The following POFUT1 variants were observed in gnomAD, a reference collection of about 807,000 sequenced individuals.
POFUT1 encodes protein O-fucosyltransferase 1.
In POFUT1, 16 loss-of-function variants were observed where a neutral mutation model predicts 42.4. That is an observed-to-expected ratio of 0.38 (90% confidence interval 0.26 to 0.57). POFUT1 has a LOEUF of 0.57. Ranked by LOEUF, POFUT1 falls within the 20% of genes least tolerant of loss-of-function variation. The probability of loss-of-function intolerance (pLI) is 0.71; values close to 1 mark genes in which losing one functional copy is unlikely to be tolerated. For missense variants in POFUT1, 470 were observed against 504.6 expected (o/e 0.93, Z 0.66); for synonymous variants, 206 against 205.4 (o/e 1.00, Z -0.03).
In POFUT1 at chr20:32,234,792, GA is replaced by G. The variant is rs2047461544; in HGVS notation, c.*132del. 3.9e-6 allele frequency: 3 copies of G among 768,360 alleles called. No individual in the cohort carries two copies. Among genetic ancestry groups the G allele is most frequent in the Non-Finnish European group, 4.1e-6 (2 of 490,856 alleles). 47.6% of individuals were successfully genotyped at this position (768,360 alleles called of 1,614,324 possible). On this transcript the variant is annotated 3_prime_UTR_variant, in exon 7 of 7. Transcript: ENST00000375749. ...CTTCTCACCTGCCAAAGATGGAGAA[GA>G]GTGCCAGGGACCCCTCAAGGAGGGA...
rs147591957 is a variant in POFUT1 at position 32,215,387 on chromosome 20, G to A, written c.365G>A (p.Arg122Gln). ...LAPTHWPPEK[R>Q]VAYCFEVAAQ... is the part of the protein sequence containing the mutation. Reference sequence around the variant, plus strand: ...CCCACCCACTGGCCCCCTGAGAAGCGGGTGGCATACTGCTTTGAGGTGGCA... The same window carrying A: ...CCCACCCACTGGCCCCCTGAGAAGCAGGTGGCATACTGCTTTGAGGTGGCA... Residue 122 changes from arginine to glutamine, a missense_variant, in exon 3 of 7, where the codon CGG becomes CAG. Arg to Gln is a conservative substitution (Grantham distance 43, BLOSUM62 1). Transcript: ENST00000375749. The A allele has an allele frequency of 1.4e-4, 221 of 1,614,036 alleles. No homozygotes were observed. In the African/African-American group the frequency reaches 2.3e-3, roughly 17 times the overall value.
rs773556755 is a variant in POFUT1 at position 32,230,897 on chromosome 20, C to T, written c.814C>T (p.Arg272Cys). The T allele has an allele frequency of 1.5e-5, 24 of 1,614,046 alleles. No homozygotes were observed. The highest frequency in any genetic ancestry group is 6.7e-5 in the African/African-American group (5 of 74,914). The change falls in exon 6 of 7, where the codon CGC becomes TGC. Residue 272 changes from arginine (R) to cysteine (C), a missense_variant. Transcript: ENST00000375749. ...CTCTCCGCAGTGTGTGGGCTACAGC[C>T]GCAGCACAGCGGCCCCCCTCACGAT... ...MASPQCVGYS[R>C]STAAPLTMTM...
intron 2 of POFUT1, 150 bp downstream of exon 2, chr20:32,210,342 C>A: frequency 1.3e-6 from 1 of 790,410 alleles, no homozygotes. Flanking sequence ...AATAACAATG[C>A]CTAACATTTA....
chr20:32,219,435 G>C (rs2047379319), intron 4 of POFUT1, among the ~76,000 whole-genome samples: 1 of 152,026 alleles, frequency 6.6e-6, no homozygotes, highest in African/African-American at 2.4e-5. Flanking sequence ...GAGTGAGTGA[G>C]AGAATGGTAG....
intron 4 of POFUT1, chr20:32,223,802 C>A: frequency 3.3e-6 from 2 of 598,120 alleles, no homozygotes; most frequent in Non-Finnish European, 4.2e-6. Context: ...ACAGACTCAG[C>A]TCATTGTCAA....
At chr20:32,216,753 G>A (rs2122573893) in intron 4 of POFUT1, 32 bp downstream of exon 4, 1 of 1,496,830 alleles carries the variant, frequency 6.7e-7, no homozygotes, top group Non-Finnish European at 9.3e-7. Flanking sequence ...TCTGGGTTTA[G>A]GGGAGGCGCA....
chr20:32,219,800 A>T (rs1158381065), intron 4 of POFUT1, among the ~76,000 whole-genome samples: 1 of 152,078 alleles, frequency 6.6e-6, no homozygotes, highest in African/African-American at 2.4e-5. Flanking sequence ...CCCGGCCAAC[A>T]ACAAGTTATT....
chr20:32,208,554 C>G (rs766537085), intron 1 of POFUT1, among the ~76,000 whole-genome samples: 24 of 148,768 alleles, frequency 1.6e-4, no homozygotes, highest in Non-Finnish European at 3.1e-4. Flanking sequence ...CGGTGGCTCA[C>G]TTCTGTAATC....
At chr20:32,220,027 G>A (rs1328500295) in intron 4 of POFUT1, among the ~76,000 whole-genome samples, 1 of 152,058 alleles carries the variant, frequency 6.6e-6, no homozygotes, top group Non-Finnish European at 1.5e-5. Flanking sequence ...TATCTCATAG[G>A]TACTTAGGTA....
At position 32,210,429 on chromosome 20, in the gene POFUT1, G is replaced by A. The variant is rs559673057; in HGVS notation, c.246+237G>A. The stretch of plus-strand genomic sequence containing the variant: ...CTCATCACTTGCCTGTGAGGAAACC[G>A]GGGTTTACAGAGGTTAGGTAACTTG... On this transcript the variant is annotated intron_variant, in intron 2 of 6. Transcript: ENST00000375749. Among the ~76,000 whole-genome samples the A allele has an allele frequency of 6.6e-5, 10 of 152,300 alleles. No individual in the cohort carries two copies. The South Asian group carries it at 1.9e-3, about 28-fold the overall frequency.
rs1026536287 is a variant in POFUT1 at position 32,235,219 on chromosome 20, C to T, written c.*558C>T. The stretch of plus-strand genomic sequence containing the variant: ...ACTGCCTGGCCAGAGCCATTGTTGT[C>T]CCCTACTTCCTAGGCCATTTCTGGG... On this transcript the variant is annotated 3_prime_UTR_variant, in exon 7 of 7. Coordinates refer to ENST00000375749, the MANE Select transcript of POFUT1 (RefSeq NM_015352.2). The T allele has an allele frequency of 6.5e-6, 1 of 153,374 alleles. No homozygotes were observed. The highest frequency in any genetic ancestry group is 1.5e-5 in the Non-Finnish European group (1 of 68,602). The allele number at this position is 153,374 out of a possible 1,614,324, so 9.5% of individuals were successfully genotyped here.
chr20:32,208,648 C>CAAAAAAAAA (rs67714814), intron 1 of POFUT1, among the ~76,000 whole-genome samples: 2 of 93,646 alleles, frequency 2.1e-5, no homozygotes, highest in African/African-American at 4.5e-5. Flanking sequence ...AATCCAATCT[C>CAAAAAAAAA]AAAAAAAAAA....
At chr20:32,209,152 A>G (rs533743875) in intron 1 of POFUT1, among the ~76,000 whole-genome samples, 23 of 152,224 alleles carry the variant, frequency 1.5e-4, no homozygotes, top group African/African-American at 4.8e-4. Context: ...TTCCTCACAC[A>G]TGCTCAGGTC....
chr20:32,238,079 A>T lies in POFUT1; in HGVS notation c.*3418A>T. On this transcript the variant is annotated 3_prime_UTR_variant, in exon 7 of 7. Coordinates refer to ENST00000375749, the MANE Select transcript of POFUT1 (RefSeq NM_015352.2). ...AAAAAATTCTGTCGAGGAGTGTTCC[A>T]TAGTTTATTGTTTTCCTATTATGAG... 3.1e-6 allele frequency: 1 copy of T among 321,592 alleles called. No individual in the cohort carries two copies. Among genetic ancestry groups the T allele is most frequent in the South Asian group, 2.6e-5 (1 of 38,814 alleles). 19.9% of individuals were successfully genotyped at this position (321,592 alleles called of 1,614,324 possible).
chr20:32,208,720 G>A (rs74848674), intron 1 of POFUT1, among the ~76,000 whole-genome samples: 2,162 of 151,508 alleles, frequency 0.014, 44 homozygotes, highest in African/African-American at 0.048. Context: ...TTATCTGGGC[G>A]GCTACTTGGG....
rs117544886 is a variant in POFUT1 at position 32,217,509 on chromosome 20, G to T, written c.542+788G>T. 1.7e-4 allele frequency: 166 copies of T among 987,930 alleles called. 2 individuals carry two copies. The East Asian group carries it at 0.014, about 83-fold the overall frequency. 61.2% of individuals were successfully genotyped at this position (987,930 alleles called of 1,614,324 possible). A position where few individuals can be genotyped will look rare whatever the true frequency, so the allele number is the denominator to read the frequency against. Reference sequence around the variant, plus strand: ...TGCCTGTAATCCCAGCACTTTGGGAGGCCAAGGTGGGTGGATCACTTGAGC... The same window carrying T: ...TGCCTGTAATCCCAGCACTTTGGGATGCCAAGGTGGGTGGATCACTTGAGC... On this transcript the variant is annotated intron_variant, in intron 4 of 6. Coordinates refer to ENST00000375749, the MANE Select transcript of POFUT1 (RefSeq NM_015352.2).
chr20:32,211,279 A>ATT (rs11397120), intron 2 of POFUT1, among the ~76,000 whole-genome samples: 185 of 147,088 alleles, frequency 1.3e-3, no homozygotes, highest in East Asian at 4.0e-3. Context: ...CGCACTCACT[A>ATT]TTTTTTTTTT....
chr20:32,212,186 T>C (rs1232473669), intron 2 of POFUT1, among the ~76,000 whole-genome samples: 1 of 152,228 alleles, frequency 6.6e-6, no homozygotes, highest in Non-Finnish European at 1.5e-5. Context: ...ATCTGTTGAC[T>C]CCTGTGGCTT....
At chr20:32,233,419 C>T (rs370599786) in intron 6 of POFUT1, among the ~76,000 whole-genome samples, 4 of 152,050 alleles carry the variant, frequency 2.6e-5, no homozygotes, top group East Asian at 1.9e-4. Context: ...TGGGTAGGGG[C>T]TGGATGATGG....
Sources: gnomAD v4.1 joint callset for allele counts (sites outside exome capture counted in the v4.1 genomes callset) on GRCh38, gnomAD v4.1.1 for gene constraint, MANE v1.5 for transcripts, NCBI Gene and HGNC (gene_info 2026-07-23, HGNC 2026-07-21) for gene names.